ARHGAP15: variants seen among roughly 807,000 people sequenced by gnomAD.
ARHGAP15 encodes the protein Rho GTPase activating protein 15, also known as rho GTPase-activating protein 15.
Under a neutral mutation model 63.7 loss-of-function variants are expected in ARHGAP15, and 51 were observed. The ratio of observed to expected loss-of-function variants is 0.80; its 90% CI spans 0.64 to 1.01. The LOEUF is 1.01. Ranked by LOEUF, ARHGAP15 falls within the 50% of genes least tolerant of loss-of-function variation. ARHGAP15 has a pLI of 0.00. For synonymous variants in ARHGAP15, 191 were observed against 193.8 expected (o/e 0.99, Z 0.12); for missense variants, 560 against 564.6 (o/e 0.99, Z 0.08).
intron 9 of ARHGAP15, among the ~76,000 whole-genome samples, chr2:143,496,469 G>A (rs186272511): frequency 1.5e-4 from 23 of 152,294 alleles, no homozygotes; most frequent in Middle Eastern, 3.4e-3. Flanking sequence ...TGTGGTTCAA[G>A]AATTTATTTT....
At chr2:143,519,394 C>T (rs757862532) in intron 10 of ARHGAP15, 30 bp downstream of exon 10, 1 of 1,535,486 alleles carries the variant, frequency 6.5e-7, no homozygotes, top group South Asian at 1.1e-5. Context: ...GCAGTTCCCC[C>T]CATTACTGCA....
intron 11 of ARHGAP15, among the ~76,000 whole-genome samples, chr2:143,607,365 C>T (rs1348092687): frequency 1.3e-5 from 2 of 152,118 alleles, no homozygotes; most frequent in African/African-American, 2.4e-5. Flanking sequence ...GGGCAAATAA[C>T]CCTGATAATT....
chr2:143,303,611 C>A (rs906667063), intron 6 of ARHGAP15, among the ~76,000 whole-genome samples: 6 of 152,068 alleles, frequency 3.9e-5, no homozygotes, highest in Admixed American at 3.9e-4. Flanking sequence ...CCAAAATTGA[C>A]AAATGAGATC....
chr2:143,273,441 A>C (rs1368850758), intron 6 of ARHGAP15, among the ~76,000 whole-genome samples: 1 of 151,776 alleles, frequency 6.6e-6, no homozygotes. Context: ...TTAATACCCC[A>C]ATGAACCTAT....
At chr2:143,692,348 C>T (rs1375075409) in intron 12 of ARHGAP15, among the ~76,000 whole-genome samples, 2 of 152,146 alleles carry the variant, frequency 1.3e-5, no homozygotes, top group Non-Finnish European at 2.9e-5. Flanking sequence ...AAGCTTAAAG[C>T]GTCTGCCTGC....
chr2:143,745,776 A>C (rs1450622262), intron 13 of ARHGAP15, among the ~76,000 whole-genome samples: 1 of 152,184 alleles, frequency 6.6e-6, no homozygotes, highest in Non-Finnish European at 1.5e-5. Context: ...TAAAATTGTT[A>C]ATAGGATTTG....
At chr2:143,445,157 T>TTA (rs1553482033) in intron 8 of ARHGAP15, among the ~76,000 whole-genome samples, 1 of 121,380 alleles carries the variant, frequency 8.2e-6, no homozygotes, top group African/African-American at 3.1e-5. Context: ...ACAATTATTT[T>TTA]TTTTTTTTTT....
intron 6 of ARHGAP15, among the ~76,000 whole-genome samples, chr2:143,412,162 G>T (rs769855590): frequency 6.6e-5 from 10 of 152,170 alleles, no homozygotes; most frequent in Non-Finnish European, 1.5e-4. Flanking sequence ...ATGAAATTGA[G>T]TGTAAAGGGT....
At chr2:143,355,808 T>TCA (rs1685784461) in intron 6 of ARHGAP15, among the ~76,000 whole-genome samples, 2 of 152,314 alleles carry the variant, frequency 1.3e-5, no homozygotes, top group East Asian at 3.9e-4. Context: ...CTGCACCTGA[T>TCA]GTTGCATGTT....
chr2:143,384,565 TAA>T (rs11309282), intron 6 of ARHGAP15, among the ~76,000 whole-genome samples: 11,764 of 149,196 alleles, frequency 0.079, 474 homozygotes, highest in Middle Eastern at 0.13. Flanking sequence ...GTTTTAGAGT[TAA>T]AAAAAAAAAA....
At position 143,438,283 on chromosome 2, in the gene ARHGAP15, G is replaced by A. The variant is rs114921974; in HGVS notation, c.703+1241G>A. Among the ~76,000 whole-genome samples, 234 of 152,058 alleles carry A rather than the reference G, an allele frequency of 1.5e-3. 1 individual carries two copies. The highest frequency in any genetic ancestry group is 2.6e-3 in the Non-Finnish European group (176 of 67,978). On this transcript the variant is annotated intron_variant, in intron 8 of 13. Coordinates refer to ENST00000295095, the MANE Select transcript of ARHGAP15 (RefSeq NM_018460.4). ...TACATATATACATACACATACACAC[G>A]TATGTATGTATGCTAGATGATTATT... is the stretch of plus-strand genomic sequence containing the variant.
chr2:143,658,040 C>T (rs1681548330), intron 12 of ARHGAP15, among the ~76,000 whole-genome samples: 1 of 152,224 alleles, frequency 6.6e-6, no homozygotes, highest in Admixed American at 6.5e-5. Flanking sequence ...TCTTTCTCAT[C>T]AGAATCATTT....
At chr2:143,633,154 G>A (rs896495798) in intron 12 of ARHGAP15, among the ~76,000 whole-genome samples, 3 of 152,112 alleles carry the variant, frequency 2.0e-5, no homozygotes, top group African/African-American at 7.2e-5. Context: ...CATTCTCACA[G>A]ACTTGGTATT....
chr2:143,338,137 C>T (rs894173730), intron 6 of ARHGAP15, among the ~76,000 whole-genome samples: 1 of 152,100 alleles, frequency 6.6e-6, no homozygotes, highest in African/African-American at 2.4e-5. Flanking sequence ...TATTATTATT[C>T]TTTGAGAGCC....
At chr2:143,277,503 C>A (rs975014008) in intron 6 of ARHGAP15, among the ~76,000 whole-genome samples, 1 of 151,484 alleles carries the variant, frequency 6.6e-6, no homozygotes, top group Admixed American at 6.6e-5. Context: ...AGGTAATAGC[C>A]ATCTTTGGGC....
intron 10 of ARHGAP15, among the ~76,000 whole-genome samples, chr2:143,538,023 C>A (rs1226499730): frequency 6.6e-6 from 1 of 152,174 alleles, no homozygotes; most frequent in Non-Finnish European, 1.5e-5. Context: ...ATAGAATATT[C>A]TTCCATTTGT....
intron 6 of ARHGAP15, among the ~76,000 whole-genome samples, chr2:143,402,474 A>G (rs1688023128): frequency 6.6e-6 from 1 of 151,626 alleles, no homozygotes; most frequent in Non-Finnish European, 1.5e-5. Flanking sequence ...TGACAGAGAA[A>G]ACAAAAGAAT....
chr2:143,202,800 A>G (rs1692173827), intron 3 of ARHGAP15, among the ~76,000 whole-genome samples: 1 of 152,108 alleles, frequency 6.6e-6, no homozygotes, highest in African/African-American at 2.4e-5. Flanking sequence ...TTCAAAAAAA[A>G]ATTAATCGAC....
chr2:143,135,633 A>G (rs897683272), intron 1 of ARHGAP15, among the ~76,000 whole-genome samples: 1 of 152,174 alleles, frequency 6.6e-6, no homozygotes, highest in African/African-American at 2.4e-5. Flanking sequence ...ATGTATCTTT[A>G]TATTATTCAC....
Sources: allele counts gnomAD v4.1 joint callset (sites outside exome capture counted in the v4.1 genomes callset), GRCh38; gene constraint gnomAD v4.1.1; transcripts MANE v1.5; gene names NCBI Gene and HGNC (gene_info 2026-07-23, HGNC 2026-07-21).